Variants in ERLEC1 observed in about 807,000 individuals in gnomAD.
ERLEC1 encodes the protein ER lectin.
ERLEC1 carries 47 observed loss-of-function variants against 68.0 expected under a neutral mutation model. The observed-to-expected ratio is 0.69, with a 90% confidence interval of 0.55 to 0.88. The LOEUF (loss-of-function observed/expected upper bound fraction) is 0.88. ERLEC1 is among the 40% of genes least tolerant of loss of function. ERLEC1 has a pLI of 0.00. For synonymous variants in ERLEC1, 225 were observed against 203.2 expected, an observed-to-expected ratio of 1.11 and a Z score of -0.91; for missense variants, 567 against 583.8, an observed-to-expected ratio of 0.97 and a Z score of 0.30.
intron 2 of ERLEC1, among the ~76,000 whole-genome samples, chr2:53,795,515 T>C (rs1396390421): frequency 6.6e-6 from 1 of 152,162 alleles, no homozygotes; most frequent in Non-Finnish European, 1.5e-5. Context: ...AAAAGTGCCT[T>C]AAAACTTTCC....
chr2:53,801,904 TC>T (rs1172170550), intron 8 of ERLEC1, 62 bp downstream of exon 8: 1 of 1,373,252 alleles, frequency 7.3e-7, no homozygotes, highest in African/African-American at 1.4e-5. Context: ...AGAGCATATG[TC>T]AATATTTTAA....
chr2:53,787,801 C>T (rs1311989452), intron 1 of ERLEC1, among the ~76,000 whole-genome samples: 2 of 152,242 alleles, frequency 1.3e-5, no homozygotes, highest in African/African-American at 4.8e-5. Flanking sequence ...CGAGTTCCCT[C>T]TCTCGTATTC....
intron 3 of ERLEC1, among the ~76,000 whole-genome samples, chr2:53,796,493 T>G (rs1675709226): frequency 6.6e-6 from 1 of 152,094 alleles, no homozygotes; most frequent in Non-Finnish European, 1.5e-5. Flanking sequence ...AAGGTCTCAT[T>G]CTGTCACCCA....
chr2:53,816,116 C>A (rs1437833367), intron 13 of ERLEC1, among the ~76,000 whole-genome samples: 2 of 152,108 alleles, frequency 1.3e-5, no homozygotes, highest in African/African-American at 2.4e-5. Flanking sequence ...AGGCATCGGC[C>A]ACTACACAGG....
intron 3 of ERLEC1, 71 bp from the exon 4 acceptor site, chr2:53,797,444 T>C: frequency 8.6e-7 from 1 of 1,156,590 alleles, no homozygotes; most frequent in Middle Eastern, 2.3e-4. Context: ...TCTCAGCTGC[T>C]TCAAATATCA....
In ERLEC1 at chr2:53,801,456, TG is replaced by T; in HGVS notation, c.587del (p.Gly196ValfsTer6). On this transcript the variant is annotated frameshift_variant, in exon 7 of 14. Coordinates refer to ENST00000185150, the MANE Select transcript of ERLEC1 (RefSeq NM_015701.5). LOFTEE classifies it high-confidence loss of function. ...TPYYPVGMGN[G>X]TPCSLKQNRP... ...CATACTATCCTGTGGGAATGGGAAA[TG>T]GTACACCTTGTAGTTTGAAACAGAA... 6.2e-7 allele frequency: 1 copy of T among 1,614,044 alleles called. No individual in the cohort carries two copies. The highest frequency in any genetic ancestry group is 8.5e-7 in the Non-Finnish European group (1 of 1,179,976).
chr2:53,800,280 A>T (rs1675934550), intron 6 of ERLEC1, among the ~76,000 whole-genome samples: 1 of 152,144 alleles, frequency 6.6e-6, no homozygotes, highest in South Asian at 2.1e-4. Flanking sequence ...CCAATATCAA[A>T]TACGATATAT....
intron 3 of ERLEC1, among the ~76,000 whole-genome samples, 192 bp downstream of exon 3, chr2:53,796,205 A>G (rs1675689194): frequency 6.8e-6 from 1 of 147,568 alleles, no homozygotes; most frequent in Non-Finnish European, 1.5e-5. Flanking sequence ...TGTACAGATT[A>G]TTTAGTCACC....
At chr2:53,809,133 T>A in intron 9 of ERLEC1, 81 bp from the exon 10 acceptor site, 2 of 930,398 alleles carry the variant, frequency 2.1e-6, no homozygotes, top group Non-Finnish European at 3.3e-6. Context: ...AAAAATAACA[T>A]GTATTTCCAT....
At chr2:53,805,027 C>A (rs1272730329) in intron 8 of ERLEC1, among the ~76,000 whole-genome samples, 7 of 124,342 alleles carry the variant, frequency 5.6e-5, no homozygotes, top group Non-Finnish European at 9.6e-5. Flanking sequence ...TGGAGTCTCA[C>A]TCTGTTGCCC....
Position 53,801,819 on chromosome 2 carries a change from G to C in ERLEC1, c.856G>C (p.Val286Leu), listed in dbSNP as rs201645542. The change falls in exon 8 of 14, where the codon GTG (valine) becomes CTG (leucine). Residue 286 changes from valine to leucine, a missense_variant. By Grantham distance (32) the Val-to-Leu change is conservative. Coordinates refer to ENST00000185150, the MANE Select transcript of ERLEC1 (RefSeq NM_015701.5). ...QLEQQEEILRVPFRRNKEEDL... is the reference protein window; with the variant it reads ...QLEQQEEILRLPFRRNKEEDL... Reference sequence around the variant, plus strand: ...GGAGCAGCAGGAAGAAATACTAAGGGTGCCTTTTAGGAGAAATAAAGAGGT... The same window carrying C: ...GGAGCAGCAGGAAGAAATACTAAGGCTGCCTTTTAGGAGAAATAAAGAGGT... 6.2e-7 allele frequency: 1 copy of C among 1,613,734 alleles called. No homozygotes were observed. Among genetic ancestry groups the C allele is most frequent in the Non-Finnish European group, 8.5e-7 (1 of 1,179,786 alleles).
chr2:53,818,127 G>T lies in ERLEC1; in HGVS notation c.*158G>T. ...TGTGAATACATATGTGTATATAAGA[G>T]GTTATTGATAAACTTCTGAGGCAGA... On this transcript the variant is annotated 3_prime_UTR_variant, in exon 14 of 14. Coordinates refer to ENST00000185150, the MANE Select transcript of ERLEC1 (RefSeq NM_015701.5). The T allele has an allele frequency of 2.2e-6, 1 of 464,878 alleles. No homozygotes were observed. The allele number at this position is 464,878 out of a possible 1,614,324, so 28.8% of individuals were successfully genotyped here.
chr2:53,788,680 G>C (rs1236133371), intron 1 of ERLEC1: 1 of 152,080 alleles, frequency 6.6e-6, no homozygotes, highest in South Asian at 2.1e-4. Context: ...TTACATGTGT[G>C]AACCAAATGT....
chr2:53,801,554 A>G lies in ERLEC1; in HGVS notation c.683A>G (p.Glu228Gly). ...ESKHEILSVA[E>G]VTTCEYEVVI... ...AAGCATGAAATTCTTTCAGTAGCTG[A>G]AGTTACAACTTGTGAATATGAAGTT... is the stretch of plus-strand genomic sequence containing the variant. The change falls in exon 7 of 14, where the codon GAA becomes GGA. Residue 228 changes from glutamate (E) to glycine (G), a missense_variant. Physicochemically the swap from Glu to Gly is moderately conservative, Grantham distance 98. Coordinates refer to ENST00000185150, the MANE Select transcript of ERLEC1 (RefSeq NM_015701.5). 6.2e-7 allele frequency: 1 copy of G among 1,614,172 alleles called. No individual in the cohort carries two copies. Among genetic ancestry groups the G allele is most frequent in the Non-Finnish European group, 8.5e-7 (1 of 1,180,008 alleles).
chr2:53,794,960 A>T (rs1335261262), intron 2 of ERLEC1, among the ~76,000 whole-genome samples: 1 of 152,094 alleles, frequency 6.6e-6, no homozygotes, highest in East Asian at 1.9e-4. Flanking sequence ...GCCGCAACCA[A>T]TTATTAACGT....
chr2:53,797,236 T>G (rs1370945159), intron 3 of ERLEC1, among the ~76,000 whole-genome samples: 1 of 152,230 alleles, frequency 6.6e-6, no homozygotes, highest in Non-Finnish European at 1.5e-5. Flanking sequence ...TAATTGTTAT[T>G]TTTTAAGCTA....
intron 5 of ERLEC1, among the ~76,000 whole-genome samples, chr2:53,798,093 G>A (rs961009535): frequency 6.6e-6 from 1 of 152,080 alleles, no homozygotes; most frequent in African/African-American, 2.4e-5. Flanking sequence ...TACTTGGGAG[G>A]CTGAGGCAGG....
chr2:53,794,458 T>G lies in ERLEC1; in HGVS notation c.267+9T>G. 1.6e-6 allele frequency: 2 copies of G among 1,288,462 alleles called. No homozygotes were observed. Among genetic ancestry groups the G allele is most frequent in the Non-Finnish European group, 1.1e-6 (1 of 903,070 alleles). The allele number at this position is 1,288,462 out of a possible 1,614,324, so 79.8% of individuals were successfully genotyped here. A position where few individuals can be genotyped will look rare whatever the true frequency, so the allele number is the denominator to read the frequency against. On this transcript the variant is annotated intron_variant, in intron 2 of 13. Coordinates refer to ENST00000185150, the MANE Select transcript of ERLEC1 (RefSeq NM_015701.5). The stretch of plus-strand genomic sequence containing the variant: ...TGACAAGTGGGGATGAGGTAAGTTT[T>G]TATAAATATATTGATAATCCTGTCA...
intron 8 of ERLEC1, among the ~76,000 whole-genome samples, chr2:53,807,104 C>T (rs1676335430): frequency 6.6e-6 from 1 of 152,166 alleles, no homozygotes; most frequent in South Asian, 2.1e-4. Context: ...TTGCCTAAAT[C>T]CTATAAAATG....
Sources: gnomAD v4.1 joint callset for allele counts (sites outside exome capture counted in the v4.1 genomes callset) on GRCh38, gnomAD v4.1.1 for gene constraint, MANE v1.5 for transcripts, NCBI Gene and HGNC (gene_info 2026-07-23, HGNC 2026-07-21) for gene names.